Variants in PHACTR1 observed in about 807,000 individuals in gnomAD.
PHACTR1 encodes the protein RPEL repeat containing 1.
Under a neutral mutation model 69.2 loss-of-function variants are expected in PHACTR1, and 16 were observed. The observed-to-expected ratio is 0.23, with a 90% CI of 0.16 to 0.35. The LOEUF (loss-of-function observed/expected upper bound fraction) is 0.35, where lower values mean the gene tolerates loss of function less well. Among genes scored for constraint, PHACTR1 ranks in the 10% least tolerant of loss-of-function variants. PHACTR1 has a pLI of 1.00. For missense variants in PHACTR1, 510 were observed against 734.7 expected (o/e 0.69, Z 3.54); for synonymous variants, 312 against 284.5 (o/e 1.10, Z -0.97).
chr6:13,071,701 C>T (rs993587326), intron 5 of PHACTR1, among the ~76,000 whole-genome samples: 2 of 152,210 alleles, frequency 1.3e-5, no homozygotes. Context: ...AAAATCTCTT[C>T]TATGGCATAG....
intron 4 of PHACTR1, among the ~76,000 whole-genome samples, chr6:12,868,470 G>A (rs539801141): frequency 5.9e-5 from 9 of 152,240 alleles, no homozygotes; most frequent in East Asian, 3.9e-4. Context: ...GAGAGGACAC[G>A]TGAAGCCAGG....
intron 8 of PHACTR1, among the ~76,000 whole-genome samples, chr6:13,210,936 A>G (rs921058915): frequency 1.4e-4 from 8 of 58,596 alleles, no homozygotes; most frequent in Non-Finnish European, 2.4e-4. Flanking sequence ...TTTTTTTTGC[A>G]TTGAGATTTC....
chr6:12,795,497 T>A (rs1772868942), intron 4 of PHACTR1, among the ~76,000 whole-genome samples: 1 of 152,186 alleles, frequency 6.6e-6, no homozygotes, highest in South Asian at 2.1e-4. Context: ...AACATTTTGA[T>A]TCACCAATGA....
intron 4 of PHACTR1, among the ~76,000 whole-genome samples, chr6:13,020,827 T>C (rs1196314748): frequency 6.6e-6 from 1 of 152,128 alleles, no homozygotes; most frequent in Non-Finnish European, 1.5e-5. Context: ...TGTGTGTCCC[T>C]TTATTACAGT....
At chr6:12,968,943 G>T (rs1793831450) in intron 4 of PHACTR1, among the ~76,000 whole-genome samples, 2 of 151,866 alleles carry the variant, frequency 1.3e-5, no homozygotes, top group African/African-American at 4.8e-5. Flanking sequence ...ATCTCCCGGG[G>T]ATTCTGTTAA....
chr6:13,008,096 T>C (rs946211731), intron 4 of PHACTR1, among the ~76,000 whole-genome samples: 4 of 152,240 alleles, frequency 2.6e-5, no homozygotes, highest in African/African-American at 7.2e-5. Context: ...TTCTGTAAAC[T>C]CCTTGTCCAC....
intron 4 of PHACTR1, chr6:12,934,080 A>T: frequency 8.4e-7 from 1 of 1,191,414 alleles, no homozygotes; most frequent in Non-Finnish European, 1.1e-6. Context: ...GTCCTTTTGC[A>T]GGCTCTAGGG....
chr6:12,933,592 G>A, intron 4 of PHACTR1: 2 of 1,606,244 alleles, frequency 1.2e-6, no homozygotes, highest in Non-Finnish European at 1.7e-6. Context: ...TATCTGACCT[G>A]GGCTCACACC....
intron 4 of PHACTR1, among the ~76,000 whole-genome samples, chr6:12,977,097 C>A (rs1170612479): frequency 6.6e-6 from 1 of 152,088 alleles, no homozygotes; most frequent in Admixed American, 6.5e-5. Context: ...TTCTGAGTAG[C>A]TGGGATTAGA....
chr6:12,844,790 A>G (rs1779038150), intron 4 of PHACTR1, among the ~76,000 whole-genome samples: 1 of 152,204 alleles, frequency 6.6e-6, no homozygotes, highest in Non-Finnish European at 1.5e-5. Flanking sequence ...AGCAGAAGGT[A>G]CCACTAAAGA....
chr6:13,204,800 G>A (rs1320555522), intron 7 of PHACTR1, among the ~76,000 whole-genome samples: 1 of 152,166 alleles, frequency 6.6e-6, no homozygotes, highest in Non-Finnish European at 1.5e-5. Flanking sequence ...AAAGCAGGAT[G>A]GTCGTCCCTA....
At chr6:13,192,416 C>G (rs919248044) in intron 7 of PHACTR1, among the ~76,000 whole-genome samples, 2 of 152,152 alleles carry the variant, frequency 1.3e-5, no homozygotes, top group African/African-American at 4.8e-5. Context: ...GCAAATAGTC[C>G]TATCAGCAGG....
At chr6:12,824,448 G>A (rs1448797589) in intron 4 of PHACTR1, among the ~76,000 whole-genome samples, 1 of 152,118 alleles carries the variant, frequency 6.6e-6, no homozygotes, top group Non-Finnish European at 1.5e-5. Flanking sequence ...CCACGAAACT[G>A]GTCCCTGGTG....
At chr6:12,887,785 T>C (rs1319930800) in intron 4 of PHACTR1, among the ~76,000 whole-genome samples, 4 of 152,038 alleles carry the variant, frequency 2.6e-5, no homozygotes, top group African/African-American at 9.7e-5. Flanking sequence ...CATAGTAGTA[T>C]TGGCCAGGCA....
At chr6:13,200,021 A>G (rs574320879) in intron 7 of PHACTR1, among the ~76,000 whole-genome samples, 57 of 152,270 alleles carry the variant, frequency 3.7e-4, no homozygotes, top group African/African-American at 1.2e-3. Context: ...ACATGTTGGG[A>G]GCATAGAAAT....
At position 12,878,631 on chromosome 6, in the gene PHACTR1, A is replaced by G. The variant is rs114317153; in HGVS notation, c.250+128841A>G. 9.4e-3 allele frequency among the ~76,000 whole-genome samples: 1,425 copies of G among 152,344 alleles called. 11 individuals carry two copies. Among genetic ancestry groups the G allele is most frequent in the Middle Eastern group, 0.017 (5 of 294 alleles). ...TTACCAAGAGCTGAGTGGTGAGCCAAAAATTGACAAATGAAGTTGGAGCTC... is the reference window on the plus strand; with the variant it reads ...TTACCAAGAGCTGAGTGGTGAGCCAGAAATTGACAAATGAAGTTGGAGCTC... On this transcript the variant is annotated intron_variant, in intron 4 of 14. Transcript: ENST00000332995.
intron 4 of PHACTR1, among the ~76,000 whole-genome samples, chr6:13,006,827 C>T (rs542282786): frequency 1.3e-5 from 2 of 152,150 alleles, no homozygotes; most frequent in African/African-American, 4.8e-5. Flanking sequence ...CTCATCACTG[C>T]GTCACTTCAG....
At chr6:12,942,315 G>A (rs1790137621) in intron 4 of PHACTR1, among the ~76,000 whole-genome samples, 1 of 152,054 alleles carries the variant, frequency 6.6e-6, no homozygotes, top group Non-Finnish European at 1.5e-5. Context: ...AACACCACAG[G>A]GATATCAAGT....
At chr6:12,929,590 G>A (rs1788650762) in intron 4 of PHACTR1, among the ~76,000 whole-genome samples, 1 of 152,176 alleles carries the variant, frequency 6.6e-6, no homozygotes. Context: ...TGACTCTCAG[G>A]CTTGAAACAG....
Sources: gnomAD v4.1 joint callset for allele counts (sites outside exome capture counted in the v4.1 genomes callset) on GRCh38, gnomAD v4.1.1 for gene constraint, MANE v1.5 for transcripts, NCBI Gene and HGNC (gene_info 2026-07-23, HGNC 2026-07-21) for gene names.